The following MDFIC variants were observed in gnomAD, a reference collection of about 807,000 sequenced individuals.
MDFIC encodes myoD family inhibitor domain-containing protein.
MDFIC carries 17 observed loss-of-function variants against 23.2 expected under a neutral mutation model. That is an observed-to-expected ratio of 0.73 (90% CI 0.50 to 1.10). The LOEUF is 1.10. Ranked by LOEUF, MDFIC falls within the 50% of genes least tolerant of loss-of-function variation. The pLI is 0.00. For synonymous variants in MDFIC, 120 were observed against 115.2 expected (o/e 1.04, Z -0.27); for missense variants, 356 against 316.6 (o/e 1.12, Z -0.95).
intron 2 of MDFIC, among the ~76,000 whole-genome samples, chr7:114,941,992 A>G (rs1351121387): frequency 2.0e-5 from 3 of 152,080 alleles, no homozygotes; most frequent in African/African-American, 7.2e-5. Context: ...ACATTTCTCT[A>G]TCATGGCACA....
At chr7:114,975,923 A>G (rs1388669176) in intron 3 of MDFIC, among the ~76,000 whole-genome samples, 1 of 152,136 alleles carries the variant, frequency 6.6e-6, no homozygotes, top group East Asian at 1.9e-4. Flanking sequence ...AATCCAAACT[A>G]TAGTGAAAAT....
chr7:114,980,542 C>T (rs1242202080), intron 4 of MDFIC, among the ~76,000 whole-genome samples: 1 of 152,156 alleles, frequency 6.6e-6, no homozygotes, highest in Middle Eastern at 3.2e-3. Context: ...AACAGACTCC[C>T]TTTACATGAT....
At chr7:114,941,185 G>T (rs536968036) in intron 2 of MDFIC, among the ~76,000 whole-genome samples, 114 of 152,260 alleles carry the variant, frequency 7.5e-4, no homozygotes, top group South Asian at 1.9e-3. Flanking sequence ...TTAAAGTGAA[G>T]CCAGAACTGA....
intron 3 of MDFIC, among the ~76,000 whole-genome samples, chr7:114,976,434 T>C (rs904689225): frequency 1.3e-5 from 2 of 152,260 alleles, no homozygotes; most frequent in Admixed American, 1.3e-4. Context: ...CATTAGAATG[T>C]CATTCTAGTT....
chr7:114,977,611 C>G (rs550251170), intron 3 of MDFIC, among the ~76,000 whole-genome samples: 1 of 152,182 alleles, frequency 6.6e-6, no homozygotes, highest in South Asian at 2.1e-4. Flanking sequence ...CTAGGGATGT[C>G]GTAGAGGAAT....
chr7:115,011,122 G>A (rs1461102432), intron 4 of MDFIC, among the ~76,000 whole-genome samples: 3 of 152,302 alleles, frequency 2.0e-5, no homozygotes, highest in East Asian at 3.9e-4. Context: ...ATAGCTTGCT[G>A]ACTGAGAGCA....
chr7:114,934,835 G>A (rs958784636), intron 2 of MDFIC, among the ~76,000 whole-genome samples: 4 of 152,068 alleles, frequency 2.6e-5, no homozygotes, highest in Admixed American at 1.3e-4. Context: ...TGTATTTTTG[G>A]ACAATGCATT....
At chr7:114,957,679 C>T (rs1792909545) in intron 3 of MDFIC, among the ~76,000 whole-genome samples, 1 of 152,096 alleles carries the variant, frequency 6.6e-6, no homozygotes, top group Non-Finnish European at 1.5e-5. Flanking sequence ...TATTTCAAAA[C>T]TGTGCAATAT....
intron 4 of MDFIC, among the ~76,000 whole-genome samples, chr7:114,997,938 G>C (rs1298757657): frequency 6.6e-6 from 1 of 152,104 alleles, no homozygotes; most frequent in Non-Finnish European, 1.5e-5. Context: ...TTCAAATGGA[G>C]CTCTTTCAAA....
chr7:114,993,853 T>C (rs1031294660), intron 4 of MDFIC, among the ~76,000 whole-genome samples: 5 of 152,202 alleles, frequency 3.3e-5, no homozygotes, highest in Admixed American at 3.3e-4. Context: ...GTTCTGTAGA[T>C]GTCTATTAGG....
rs148379216 is a variant in MDFIC, at chr7:114,936,737, G to A, written c.95-5538G>A. Among the ~76,000 whole-genome samples the A allele has an allele frequency of 4.1e-4, 62 of 152,236 alleles. No homozygotes were observed. The East Asian group carries it at 6.9e-3, about 17-fold the overall frequency. On this transcript the variant is annotated intron_variant, in intron 2 of 4. Transcript: ENST00000393486. ...GGATTTTATCATCCTGTTTCCAACTGAATATCTATCTCTGAGACTGTTTTC... is the reference window on the plus strand; with the variant it reads ...GGATTTTATCATCCTGTTTCCAACTAAATATCTATCTCTGAGACTGTTTTC...
chr7:115,007,966 G>A (rs1033530809), intron 4 of MDFIC, among the ~76,000 whole-genome samples: 8 of 150,326 alleles, frequency 5.3e-5, no homozygotes, highest in Non-Finnish European at 8.9e-5. Context: ...TGCCTGCCTC[G>A]GGATTCCAGG....
At chr7:114,945,445 A>G (rs139363917) in intron 3 of MDFIC, among the ~76,000 whole-genome samples, 11 of 152,310 alleles carry the variant, frequency 7.2e-5, no homozygotes, top group African/African-American at 2.6e-4. Context: ...TTCATGCTCT[A>G]CACAGAAGTT....
chr7:114,991,961 A>C (rs887271251), intron 4 of MDFIC, among the ~76,000 whole-genome samples: 1 of 152,150 alleles, frequency 6.6e-6, no homozygotes, highest in Non-Finnish European at 1.5e-5. Context: ...TTTTCACAAT[A>C]TTGATTCTTC....
Position 115,017,993 on chromosome 7 carries a change from GAA to G in MDFIC, c.*2063_*2064del, listed in dbSNP as rs774955407. The G allele has an allele frequency of 6.6e-6, 1 of 151,798 alleles. No homozygotes were observed. The highest frequency in any genetic ancestry group is 1.5e-5 in the Non-Finnish European group (1 of 67,802). 9.4% of individuals were successfully genotyped at this position (151,798 alleles called of 1,614,324 possible). A position where few individuals can be genotyped will look rare whatever the true frequency, so the allele number is the denominator to read the frequency against. ...TATCATTACTTAAAGGGCTTAAAAA[GAA>G]AAAACTTAGCAAACTTTTGAATCTT... On this transcript the variant is annotated 3_prime_UTR_variant, in exon 5 of 5. Coordinates refer to ENST00000393486, the MANE Select transcript of MDFIC (RefSeq NM_001166345.3).
Position 114,973,543 on chromosome 7 carries a change from G to A in MDFIC, c.218-5963G>A, listed in dbSNP as rs575518316. 9.9e-5 allele frequency among the ~76,000 whole-genome samples: 15 copies of A among 152,220 alleles called. No individual in the cohort carries two copies. The Middle Eastern group carries it at 0.01, about 104-fold the overall frequency. ...AAAGCTGAGAAATGGGACTAGCCACGTACTCAGGACAATTGGGAAAATTAA... is the reference window on the plus strand; with the variant it reads ...AAAGCTGAGAAATGGGACTAGCCACATACTCAGGACAATTGGGAAAATTAA... On this transcript the variant is annotated intron_variant, in intron 3 of 4. Coordinates refer to ENST00000393486, the MANE Select transcript of MDFIC (RefSeq NM_001166345.3).
intron 4 of MDFIC, among the ~76,000 whole-genome samples, chr7:115,006,088 G>A (rs966724204): frequency 4.6e-5 from 7 of 152,212 alleles, no homozygotes; most frequent in East Asian, 1.9e-4. Context: ...CTTCTCAGGC[G>A]AGGCTCCTCC....
intron 2 of MDFIC, chr7:114,923,336 G>C: frequency 1.7e-6 from 2 of 1,187,938 alleles, no homozygotes; most frequent in Non-Finnish European, 2.4e-6. Context: ...GGAACCGTTG[G>C]TCCCTCCACT....
At chr7:115,000,123 T>C (rs1317947827) in intron 4 of MDFIC, among the ~76,000 whole-genome samples, 1 of 152,180 alleles carries the variant, frequency 6.6e-6, no homozygotes, top group African/African-American at 2.4e-5. Context: ...GAACGACATA[T>C]AGAACGGTGG....
Sources: allele counts gnomAD v4.1 joint callset (sites outside exome capture counted in the v4.1 genomes callset), GRCh38; gene constraint gnomAD v4.1.1; transcripts MANE v1.5; gene names NCBI Gene and HGNC (gene_info 2026-07-23, HGNC 2026-07-21).